IL1RAPL2: variants seen among roughly 807,000 people sequenced by gnomAD.
IL1RAPL2 encodes the protein X-linked interleukin-1 receptor accessory protein-like 2.
IL1RAPL2 carries 3 observed loss-of-function variants against 44.1 expected under a neutral mutation model. The observed-to-expected ratio is 0.07, with a 90% confidence interval of 0.03 to 0.18. IL1RAPL2 has a LOEUF of 0.18. Ranked by LOEUF, IL1RAPL2 falls within the 10% of genes least tolerant of loss-of-function variation. The pLI, the probability that IL1RAPL2 is intolerant of heterozygous loss-of-function variation, is 1.00. For synonymous variants in IL1RAPL2, 181 were observed against 178.8 expected, an observed-to-expected ratio of 1.01 and a Z score of -0.10; for missense variants, 391 against 496.4, an observed-to-expected ratio of 0.79 and a Z score of 2.02.
chrX:104,871,256 A>G (rs1382288468), intron 2 of IL1RAPL2, among the ~76,000 whole-genome samples: 1 of 111,747 alleles, frequency 8.9e-6, no homozygotes, highest in African/African-American at 3.2e-5. Context: ...TGTCTACTAA[A>G]GGAAATTTTC....
chrX:105,432,129 C>CTTTTTTTTTTTTTTTTTTTTTTTT (rs386417369), intron 5 of IL1RAPL2, among the ~76,000 whole-genome samples: 1 of 44,834 alleles, frequency 2.2e-5, no homozygotes, highest in African/African-American at 9.2e-5. Flanking sequence ...TTCAATTTGC[C>CTTTTTTTTTTTTTTTTTTTTTTTT]TTTTTTTTTT....
At chrX:105,297,534 C>G (rs1178036912) in intron 5 of IL1RAPL2, among the ~76,000 whole-genome samples, 2 of 110,328 alleles carry the variant, frequency 1.8e-5, no homozygotes, top group African/African-American at 6.6e-5. Flanking sequence ...AGGCAGGCAC[C>G]TTTCTTCACA....
intron 4 of IL1RAPL2, among the ~76,000 whole-genome samples, chrX:105,261,476 T>G (rs764404623): frequency 2.8e-5 from 3 of 105,397 alleles, no homozygotes; most frequent in African/African-American, 8.1e-5. Flanking sequence ...TTCAGGCTGT[T>G]TTTTTGTTTG....
At chrX:105,058,731 CA>C (rs1280573664) in intron 2 of IL1RAPL2, among the ~76,000 whole-genome samples, 3 of 111,559 alleles carry the variant, frequency 2.7e-5, no homozygotes, top group Admixed American at 9.5e-5. Context: ...TGACTTAGAA[CA>C]ATTCAGATAA....
intron 6 of IL1RAPL2, among the ~76,000 whole-genome samples, chrX:105,533,329 A>G (rs1219991017): frequency 3.6e-5 from 4 of 112,548 alleles, no homozygotes; most frequent in Admixed American, 9.4e-5. Flanking sequence ...AAAGAAATGT[A>G]TAAGAAAGTC....
chrX:105,683,549 A>T (rs115578175), intron 6 of IL1RAPL2, among the ~76,000 whole-genome samples: 33,763 of 89,529 alleles, frequency 0.38, 4,041 homozygotes, highest in African/African-American at 0.52. Context: ...TAGAACCTAC[A>T]AAAAAAAAAG....
At chrX:105,518,941 CCAT>C (rs200993024) in intron 6 of IL1RAPL2, among the ~76,000 whole-genome samples, 2,707 of 111,533 alleles carry the variant, frequency 0.024, 85 homozygotes, top group African/African-American at 0.083. Flanking sequence ...ACAACTTTCA[CCAT>C]GAGTGCCCTG....
chrX:105,701,255 A>G (rs2038117060), intron 6 of IL1RAPL2, among the ~76,000 whole-genome samples: 1 of 111,204 alleles, frequency 9.0e-6, no homozygotes, highest in South Asian at 3.8e-4. Context: ...GTAAGAGTAG[A>G]GTTCAAACCT....
At chrX:104,604,633 CAA>C (rs36050333) in intron 1 of IL1RAPL2, among the ~76,000 whole-genome samples, 673 of 31,036 alleles carry the variant, frequency 0.022, 7 homozygotes, top group African/African-American at 0.071. Flanking sequence ...AAATGCATAG[CAA>C]AAAAAAAAAA....
chrX:104,893,149 G>A (rs1923516329), intron 2 of IL1RAPL2, among the ~76,000 whole-genome samples: 1 of 112,094 alleles, frequency 8.9e-6, no homozygotes, highest in African/African-American at 3.2e-5. Flanking sequence ...ACTGTGGTCT[G>A]AGAGACAGTT....
chrX:104,612,688 TA>T (rs1374714652), intron 1 of IL1RAPL2, among the ~76,000 whole-genome samples: 1 of 87,453 alleles, frequency 1.1e-5, no homozygotes, highest in African/African-American at 3.5e-5. Context: ...AATTTTTGAA[TA>T]GTTTTTTTTT....
chrX:105,325,725 A>G (rs1214728563), intron 5 of IL1RAPL2, among the ~76,000 whole-genome samples: 1 of 109,247 alleles, frequency 9.2e-6, no homozygotes. Context: ...TCTCCATATC[A>G]TCACCAGCAT....
At chrX:105,405,247 T>C (rs891263404) in intron 5 of IL1RAPL2, among the ~76,000 whole-genome samples, 2 of 111,748 alleles carry the variant, frequency 1.8e-5, no homozygotes, top group Non-Finnish European at 3.8e-5. Context: ...TTGATATAAA[T>C]ACTCAAACAT....
chrX:104,765,030 T>C (rs952619839), intron 2 of IL1RAPL2, among the ~76,000 whole-genome samples: 1 of 112,067 alleles, frequency 8.9e-6, no homozygotes, highest in Non-Finnish European at 1.9e-5. Flanking sequence ...TATGTTTTTG[T>C]CTGGTTTTGG....
At chrX:104,582,822 C>CTCTTTCTTTCTCTT (rs1928424324) in intron 1 of IL1RAPL2, among the ~76,000 whole-genome samples, 1 of 40,663 alleles carries the variant, frequency 2.5e-5, no homozygotes, top group Non-Finnish European at 4.2e-5. Flanking sequence ...TCCTTTCTTT[C>CTCTTTCTTTCTCTT]TCTTTCTTTC....
chrX:104,893,950 C>T (rs1391757867), intron 2 of IL1RAPL2, among the ~76,000 whole-genome samples: 1 of 111,169 alleles, frequency 9.0e-6, no homozygotes, highest in Non-Finnish European at 1.9e-5. Flanking sequence ...ATGTTTAGTC[C>T]CTCCTTCAGG....
At chrX:105,728,170 G>A (rs1340136917) in intron 7 of IL1RAPL2, among the ~76,000 whole-genome samples, 1 of 111,213 alleles carries the variant, frequency 9.0e-6, no homozygotes, top group Non-Finnish European at 1.9e-5. Context: ...AATCTTCTGT[G>A]TTCCACTTTA....
intron 6 of IL1RAPL2, among the ~76,000 whole-genome samples, chrX:105,506,331 G>A (rs1285503228): frequency 1.8e-5 from 2 of 111,335 alleles, no homozygotes; most frequent in Admixed American, 9.6e-5. Context: ...CCACTCATGC[G>A]GTTCCATTCA....
At chrX:105,098,338 T>C (rs1397660037) in intron 2 of IL1RAPL2, among the ~76,000 whole-genome samples, 1 of 111,783 alleles carries the variant, frequency 8.9e-6, no homozygotes, top group East Asian at 2.8e-4. Context: ...CATCTCCGGT[T>C]CTACCCATAA....
Sources: allele counts gnomAD v4.1 joint callset (sites outside exome capture counted in the v4.1 genomes callset), GRCh38; gene constraint gnomAD v4.1.1; transcripts MANE v1.5; gene names NCBI Gene and HGNC (gene_info 2026-07-23, HGNC 2026-07-21).